Variants in GPC5 observed in about 807,000 individuals in gnomAD.
The protein encoded by GPC5 is glypican 5.
In GPC5, 47 loss-of-function variants were observed where a neutral mutation model predicts 53.9. The observed-to-expected ratio is 0.87, with a 90% CI of 0.69 to 1.11. GPC5 has a LOEUF of 1.11. Among genes scored for constraint, GPC5 ranks in the 50% most tolerant of loss-of-function variants. The probability of loss-of-function intolerance (pLI) is 0.00; values close to 1 mark genes in which losing one functional copy is unlikely to be tolerated. For synonymous variants in GPC5, 286 were observed against 263.3 expected (o/e 1.09, Z -0.84); for missense variants, 748 against 713.1 (o/e 1.05, Z -0.56).
intron 7 of GPC5, among the ~76,000 whole-genome samples, chr13:92,313,550 T>G (rs1446245477): frequency 6.6e-6 from 1 of 152,242 alleles, no homozygotes; most frequent in Non-Finnish European, 1.5e-5. Context: ...GGTTCTTTTT[T>G]GCTGATTGTG....
Position 91,796,621 on chromosome 13 carries a change from T to C in GPC5, c.1280+40201T>C, listed in dbSNP as rs185088345. 3.3e-5 allele frequency among the ~76,000 whole-genome samples: 5 copies of C among 152,250 alleles called. No homozygotes were observed. In the East Asian group the frequency reaches 9.7e-4, roughly 29 times the overall value. On this transcript the variant is annotated intron_variant, in intron 5 of 7. Transcript: ENST00000377067. ...TGAGCCCTCTTTACTACCTGATGGGTCCGGTGTGAGCTGAGTTACAAGCCC... is the reference window on the plus strand; with the variant it reads ...TGAGCCCTCTTTACTACCTGATGGGCCCGGTGTGAGCTGAGTTACAAGCCC...
At chr13:92,056,477 G>A (rs768211992) in intron 6 of GPC5, among the ~76,000 whole-genome samples, 1 of 152,086 alleles carries the variant, frequency 6.6e-6, no homozygotes, top group Non-Finnish European at 1.5e-5. Flanking sequence ...GGGAGGGGGA[G>A]CATGACTCTG....
intron 6 of GPC5, among the ~76,000 whole-genome samples, chr13:92,055,156 A>G (rs1300757872): frequency 6.6e-6 from 1 of 152,182 alleles, no homozygotes. Context: ...GTGAGTCCCT[A>G]TATGTTGCAA....
chr13:91,630,587 G>T (rs2034130964), intron 2 of GPC5, among the ~76,000 whole-genome samples: 1 of 152,176 alleles, frequency 6.6e-6, no homozygotes, highest in African/African-American at 2.4e-5. Flanking sequence ...TAACTGGAGA[G>T]ACCCAGTTAC....
At chr13:91,549,217 C>CA (rs1401544146) in intron 2 of GPC5, among the ~76,000 whole-genome samples, 1 of 149,616 alleles carries the variant, frequency 6.7e-6, no homozygotes, top group African/African-American at 2.5e-5. Context: ...TGCAGTGAGC[C>CA]AAAATCATGC....
chr13:91,934,670 A>G (rs2139036539), intron 6 of GPC5, among the ~76,000 whole-genome samples: 1 of 152,082 alleles, frequency 6.6e-6, no homozygotes, highest in South Asian at 2.1e-4. Flanking sequence ...ACAGCGTCCC[A>G]GAAATGACTT....
intron 6 of GPC5, among the ~76,000 whole-genome samples, chr13:92,027,604 T>C (rs1341487001): frequency 1.3e-5 from 2 of 152,216 alleles, no homozygotes; most frequent in Admixed American, 6.5e-5. Flanking sequence ...GGGTAGGGAT[T>C]ATTATAGCTA....
At chr13:92,605,592 TA>T (rs1385873089) in intron 7 of GPC5, among the ~76,000 whole-genome samples, 7 of 149,704 alleles carry the variant, frequency 4.7e-5, no homozygotes, top group Admixed American at 6.6e-5. Context: ...TTTTTTTTTT[TA>T]TTTTTTTGAG....
At chr13:91,689,676 A>C (rs1224813641) in intron 2 of GPC5, among the ~76,000 whole-genome samples, 6 of 151,876 alleles carry the variant, frequency 4.0e-5, no homozygotes, top group African/African-American at 1.5e-4. Context: ...ACAAACACAC[A>C]CATTAGCCTA....
At chr13:91,931,843 T>C (rs1217973864) in intron 6 of GPC5, among the ~76,000 whole-genome samples, 1 of 151,978 alleles carries the variant, frequency 6.6e-6, no homozygotes, top group East Asian at 1.9e-4. Context: ...CCCACATGAC[T>C]GGAAGTCTCT....
At chr13:92,610,751 C>T (rs1737433922) in intron 7 of GPC5, among the ~76,000 whole-genome samples, 1 of 152,052 alleles carries the variant, frequency 6.6e-6, no homozygotes, top group South Asian at 2.1e-4. Context: ...AGGCACTTTC[C>T]TCACAGGGTG....
At chr13:92,353,293 T>TATCA (rs2043496218) in intron 7 of GPC5, among the ~76,000 whole-genome samples, 1 of 139,146 alleles carries the variant, frequency 7.2e-6, no homozygotes, top group Non-Finnish European at 1.6e-5. Flanking sequence ...AAGAAATGTG[T>TATCA]ATCAGTGGGA....
intron 2 of GPC5, among the ~76,000 whole-genome samples, chr13:91,688,350 G>A (rs1436144337): frequency 6.6e-6 from 1 of 152,034 alleles, no homozygotes; most frequent in Non-Finnish European, 1.5e-5. Context: ...AATCAATTAT[G>A]TATAGACCAA....
At chr13:92,307,331 G>C (rs547195770) in intron 7 of GPC5, among the ~76,000 whole-genome samples, 1 of 152,294 alleles carries the variant, frequency 6.6e-6, no homozygotes, top group South Asian at 2.1e-4. Context: ...GCAGGCGTCT[G>C]TAATCCCAGC....
chr13:92,460,134 G>A (rs1418336445), intron 7 of GPC5, among the ~76,000 whole-genome samples: 2 of 151,968 alleles, frequency 1.3e-5, no homozygotes, highest in South Asian at 2.1e-4. Flanking sequence ...AGCTGAACAT[G>A]CCATAAAAAT....
chr13:91,549,534 A>G (rs2030500808), intron 2 of GPC5, among the ~76,000 whole-genome samples: 1 of 152,180 alleles, frequency 6.6e-6, no homozygotes. Flanking sequence ...GTTATCCAAA[A>G]TATACAAAGA....
chr13:92,848,204 T>A (rs761148617), intron 7 of GPC5, among the ~76,000 whole-genome samples: 16 of 152,168 alleles, frequency 1.1e-4, no homozygotes, highest in Non-Finnish European at 1.9e-4. Flanking sequence ...TTTTTTACAT[T>A]TATGATTTTA....
chr13:91,493,051 C>T (rs529165548), intron 2 of GPC5, among the ~76,000 whole-genome samples: 1 of 152,170 alleles, frequency 6.6e-6, no homozygotes, highest in South Asian at 2.1e-4. Flanking sequence ...CCTTACTGAC[C>T]TAGCTTAGAT....
At chr13:92,283,856 T>A (rs2042933913) in intron 7 of GPC5, among the ~76,000 whole-genome samples, 1 of 151,948 alleles carries the variant, frequency 6.6e-6, no homozygotes, top group African/African-American at 2.4e-5. Context: ...GCAAACACAT[T>A]CAAAAGCTAG....
Sources: gnomAD v4.1 joint callset for allele counts (sites outside exome capture counted in the v4.1 genomes callset) on GRCh38, gnomAD v4.1.1 for gene constraint, MANE v1.5 for transcripts, NCBI Gene and HGNC (gene_info 2026-07-23, HGNC 2026-07-21) for gene names.